The following SLC44A1 variants were observed in gnomAD, a reference collection of about 807,000 sequenced individuals.
The protein encoded by SLC44A1 is solute carrier family 44 member 1.
Under a neutral mutation model 79.3 loss-of-function variants are expected in SLC44A1, and 26 were observed. The observed-to-expected ratio is 0.33, with a 90% CI of 0.24 to 0.46. The LOEUF is 0.46. SLC44A1 is among the 20% of genes least tolerant of loss of function. The probability of loss-of-function intolerance (pLI) is 1.00; values close to 1 mark genes in which losing one functional copy is unlikely to be tolerated. For missense variants in SLC44A1, 688 were observed against 798.1 expected (o/e 0.86, Z 1.66); for synonymous variants, 263 against 286.2 (o/e 0.92, Z 0.82).
At chr9:105,343,317 A>G (rs1453368651) in intron 4 of SLC44A1, among the ~76,000 whole-genome samples, 1 of 152,190 alleles carries the variant, frequency 6.6e-6, no homozygotes, top group Non-Finnish European at 1.5e-5. Flanking sequence ...GAGTAGAGCC[A>G]TGAAGCTTGT....
chr9:105,298,335 TTTGTTG>T (rs376740363), intron 1 of SLC44A1, among the ~76,000 whole-genome samples: 5 of 151,952 alleles, frequency 3.3e-5, no homozygotes, highest in African/African-American at 9.7e-5. Flanking sequence ...GAATCCCGTT[TTTGTTG>T]TTGTTGTTGT....
At chr9:105,364,177 A>G (rs1827872073) in intron 9 of SLC44A1, among the ~76,000 whole-genome samples, 1 of 152,242 alleles carries the variant, frequency 6.6e-6, no homozygotes, top group Non-Finnish European at 1.5e-5. Flanking sequence ...CAGCACACAC[A>G]CTTAGCAACT....
chr9:105,342,760 A>T (rs1017049555), intron 4 of SLC44A1, among the ~76,000 whole-genome samples: 2 of 152,162 alleles, frequency 1.3e-5, no homozygotes, highest in African/African-American at 4.8e-5. Context: ...ATTGGTAGCT[A>T]TTGTATGCCA....
At chr9:105,327,400 A>C (rs773753791) in intron 3 of SLC44A1, among the ~76,000 whole-genome samples, 2 of 152,136 alleles carry the variant, frequency 1.3e-5, no homozygotes, top group Non-Finnish European at 2.9e-5. Flanking sequence ...CTCCTGCCTC[A>C]GCCTCCCAAG....
At chr9:105,269,248 T>C (rs1172973138) in intron 1 of SLC44A1, among the ~76,000 whole-genome samples, 1 of 152,204 alleles carries the variant, frequency 6.6e-6, no homozygotes, top group East Asian at 1.9e-4. Context: ...CTAATGGCAA[T>C]ATCTTTTGGC....
At position 105,369,249 on chromosome 9, in the gene SLC44A1, T is replaced by C. The variant is rs371916028; in HGVS notation, c.1494+2820T>C. Among the ~76,000 whole-genome samples the C allele has an allele frequency of 6.6e-5, 10 of 152,334 alleles. 1 individual carries two copies. The East Asian group carries it at 1.3e-3, about 21-fold the overall frequency. On this transcript the variant is annotated intron_variant, in intron 12 of 15. Coordinates refer to ENST00000374720, the MANE Select transcript of SLC44A1 (RefSeq NM_080546.5). ...AACAGAAATTTATTTTTCATAGTTATGTAGTTGATGAGAACTATTCCAATA... is the reference window on the plus strand; with the variant it reads ...AACAGAAATTTATTTTTCATAGTTACGTAGTTGATGAGAACTATTCCAATA...
At chr9:105,384,861 C>G (rs558906620) in intron 14 of SLC44A1, among the ~76,000 whole-genome samples, 35 of 152,312 alleles carry the variant, frequency 2.3e-4, no homozygotes, top group African/African-American at 8.4e-4. Context: ...ACCATAGGTT[C>G]TGGTTGATAC....
chr9:105,289,092 T>TA (rs367866006), intron 1 of SLC44A1, among the ~76,000 whole-genome samples: 99 of 152,312 alleles, frequency 6.5e-4, no homozygotes, highest in African/African-American at 2.4e-3. Flanking sequence ...ACTTTTTGGG[T>TA]AAAAAATCTC....
chr9:105,252,238 A>G (rs1416966607), intron 1 of SLC44A1, among the ~76,000 whole-genome samples: 1 of 152,106 alleles, frequency 6.6e-6, no homozygotes, highest in Non-Finnish European at 1.5e-5. Context: ...CTTTACAGAA[A>G]ATGTTTGCTG....
At chr9:105,346,071 A>T (rs925906121) in intron 4 of SLC44A1, among the ~76,000 whole-genome samples, 8 of 151,882 alleles carry the variant, frequency 5.3e-5, no homozygotes, top group African/African-American at 1.9e-4. Flanking sequence ...AAAGAAAAAC[A>T]GTTGTAAAAT....
Position 105,390,815 on chromosome 9 carries a change from CTTAG to C in SLC44A1, c.*1760_*1763del, listed in dbSNP as rs928663677. 2.0e-6 allele frequency: 2 copies of C among 985,270 alleles called. No individual in the cohort carries two copies. The highest frequency in any genetic ancestry group is 3.5e-5 in the African/African-American group (2 of 57,120). The allele number at this position is 985,270 out of a possible 1,614,324, so 61.0% of individuals were successfully genotyped here. On this transcript the variant is annotated 3_prime_UTR_variant, in exon 16 of 16. Transcript: ENST00000374720. The stretch of plus-strand genomic sequence containing the variant: ...CATACACACAATTAAGAGCTCATGT[CTTAG>C]CAAGATCTGGGAAACCAACATTGCG...
rs191059916 is a variant in SLC44A1 at position 105,321,063 on chromosome 9, C to T, written c.269+11197C>T. Reference sequence around the variant, plus strand: ...CATCTTTTGATGAGCAAAAGTTTTACATTTTGATAAAGTTGAATTTGTTTG... The same window carrying T: ...CATCTTTTGATGAGCAAAAGTTTTATATTTTGATAAAGTTGAATTTGTTTG... On this transcript the variant is annotated intron_variant, in intron 3 of 15. Coordinates refer to ENST00000374720, the MANE Select transcript of SLC44A1 (RefSeq NM_080546.5). Among the ~76,000 whole-genome samples, 8 of 152,188 alleles carry T rather than the reference C, an allele frequency of 5.3e-5. No homozygotes were observed. In the East Asian group the frequency reaches 1.5e-3, roughly 29 times the overall value.
intron 12 of SLC44A1, among the ~76,000 whole-genome samples, chr9:105,368,048 T>C (rs1827992348): frequency 6.6e-6 from 1 of 152,142 alleles, no homozygotes; most frequent in African/African-American, 2.4e-5. Flanking sequence ...ATAAAAATCC[T>C]GAAAAGGAGA....
intron 15 of SLC44A1, among the ~76,000 whole-genome samples, chr9:105,417,567 C>T (rs886521791): frequency 6.6e-6 from 1 of 152,174 alleles, no homozygotes; most frequent in African/African-American, 2.4e-5. Context: ...GCAAAAGGAG[C>T]TAATAATGCC....
intron 15 of SLC44A1, among the ~76,000 whole-genome samples, chr9:105,410,157 A>G (rs936077598): frequency 9.3e-4 from 141 of 152,220 alleles, no homozygotes; most frequent in African/African-American, 3.3e-3. Flanking sequence ...GTAAATCTTC[A>G]TGACCTTGGA....
chr9:105,326,870 G>T (rs1826594290), intron 3 of SLC44A1, among the ~76,000 whole-genome samples: 1 of 152,130 alleles, frequency 6.6e-6, no homozygotes, highest in South Asian at 2.1e-4. Flanking sequence ...CAACTGTATA[G>T]GTCCATTTGG....
At position 105,393,843 on chromosome 9, in the gene SLC44A1, C is replaced by G; in HGVS notation, c.*4787C>G. On this transcript the variant is annotated 3_prime_UTR_variant, in exon 16 of 16. Transcript: ENST00000374720. The stretch of plus-strand genomic sequence containing the variant: ...TCAGTTTTACAACTTAAATGATTTT[C>G]TCCAGGACACGGAGCTCAGAATAAT... 9 of 984,724 alleles carry G rather than the reference C, an allele frequency of 9.1e-6. No homozygotes were observed. Among genetic ancestry groups the G allele is most frequent in the Non-Finnish European group, 1.1e-5 (9 of 829,304 alleles). 61.0% of individuals were successfully genotyped at this position (984,724 alleles called of 1,614,324 possible). A position where few individuals can be genotyped will look rare whatever the true frequency, so the allele number is the denominator to read the frequency against.
At chr9:105,373,496 G>T (rs972642845) in intron 12 of SLC44A1, among the ~76,000 whole-genome samples, 3 of 152,200 alleles carry the variant, frequency 2.0e-5, no homozygotes, top group Non-Finnish European at 4.4e-5. Context: ...GAATGAAAAC[G>T]TGTCAGCTAG....
intron 15 of SLC44A1, 26 bp from the exon 16 acceptor site, chr9:105,389,007 A>T: frequency 6.3e-7 from 1 of 1,583,224 alleles, no homozygotes; most frequent in Non-Finnish European, 8.7e-7. Context: ...GTCTAAGATT[A>T]TACTCTGTAT....
Sources: gnomAD v4.1 joint callset for allele counts (sites outside exome capture counted in the v4.1 genomes callset) on GRCh38, gnomAD v4.1.1 for gene constraint, MANE v1.5 for transcripts, NCBI Gene and HGNC (gene_info 2026-07-23, HGNC 2026-07-21) for gene names.